The following EPHA6 variants were observed in gnomAD, a reference collection of about 807,000 sequenced individuals.
The protein encoded by EPHA6 is EPH receptor A6.
Under a neutral mutation model 112.0 loss-of-function variants are expected in EPHA6, and 50 were observed. The ratio of observed to expected loss-of-function variants is 0.45; its 90% CI spans 0.36 to 0.56. EPHA6 has a LOEUF of 0.56. Among genes scored for constraint, EPHA6 ranks in the 20% least tolerant of loss-of-function variants. EPHA6 has a pLI of 0.00. For synonymous variants in EPHA6, 529 were observed against 490.7 expected, an observed-to-expected ratio of 1.08 and a Z score of -1.03; for missense variants, 1,280 against 1,417.4, an observed-to-expected ratio of 0.90 and a Z score of 1.56.
intron 10 of EPHA6, among the ~76,000 whole-genome samples, chr3:97,513,767 C>T (rs1206549769): frequency 6.6e-6 from 1 of 151,912 alleles, no homozygotes; most frequent in African/African-American, 2.4e-5. Flanking sequence ...GTGCATATGT[C>T]AATTACCCTG....
At chr3:97,103,086 T>C (rs1293922337) in intron 3 of EPHA6, among the ~76,000 whole-genome samples, 4 of 152,120 alleles carry the variant, frequency 2.6e-5, no homozygotes, top group Non-Finnish European at 4.4e-5. Context: ...GTTGTCTGTT[T>C]ACTTACTCTA....
intron 13 of EPHA6, among the ~76,000 whole-genome samples, chr3:97,621,551 T>G (rs2093814428): frequency 6.6e-6 from 1 of 151,874 alleles, no homozygotes; most frequent in South Asian, 2.1e-4. Context: ...AGGTAGTTAC[T>G]AAATGCAAAC....
intron 6 of EPHA6, among the ~76,000 whole-genome samples, chr3:97,418,792 A>G (rs1559980891): frequency 6.6e-6 from 1 of 152,200 alleles, no homozygotes; most frequent in Admixed American, 6.5e-5. Flanking sequence ...ATAAAATAGT[A>G]TCTTTCAAAA....
At chr3:97,170,764 GAA>G (rs2076678519) in intron 3 of EPHA6, among the ~76,000 whole-genome samples, 1 of 150,232 alleles carries the variant, frequency 6.7e-6, no homozygotes, top group Non-Finnish European at 1.5e-5. Context: ...GAAAAAAAAA[GAA>G]ATATAGGACC....
intron 11 of EPHA6, among the ~76,000 whole-genome samples, chr3:97,570,261 CAGA>C (rs1332062200): frequency 6.6e-6 from 1 of 152,066 alleles, no homozygotes; most frequent in Non-Finnish European, 1.5e-5. Context: ...AGTTGGGATT[CAGA>C]AGATGCTGGA....
At chr3:97,633,423 A>G (rs2093920290) in intron 13 of EPHA6, among the ~76,000 whole-genome samples, 2 of 152,094 alleles carry the variant, frequency 1.3e-5, no homozygotes, top group South Asian at 2.1e-4. Flanking sequence ...AAAAAAATTC[A>G]TAGTTTCTTT....
chr3:97,246,818 GA>G (rs1004183166), intron 5 of EPHA6, among the ~76,000 whole-genome samples: 4 of 151,834 alleles, frequency 2.6e-5, no homozygotes, highest in African/African-American at 9.7e-5. Flanking sequence ...TCTTGTGCTT[GA>G]AATTCTAAAG....
intron 5 of EPHA6, among the ~76,000 whole-genome samples, chr3:97,245,662 T>C (rs2078967851): frequency 6.6e-6 from 1 of 152,004 alleles, no homozygotes; most frequent in African/African-American, 2.4e-5. Flanking sequence ...ATATTCTTGA[T>C]ATAATATAAT....
chr3:97,211,416 A>T (rs2077871615), intron 3 of EPHA6, among the ~76,000 whole-genome samples: 1 of 152,236 alleles, frequency 6.6e-6, no homozygotes, highest in African/African-American at 2.4e-5. Context: ...CTTCTGTAAC[A>T]AAATATCATA....
chr3:96,896,390 C>T (rs1305249411), intron 2 of EPHA6, among the ~76,000 whole-genome samples: 3 of 152,186 alleles, frequency 2.0e-5, no homozygotes, highest in African/African-American at 7.2e-5. Context: ...GCAGACTGCA[C>T]AGCACTTTCT....
intron 3 of EPHA6, among the ~76,000 whole-genome samples, chr3:97,138,451 C>T (rs1285514665): frequency 6.6e-6 from 1 of 152,216 alleles, no homozygotes; most frequent in Non-Finnish European, 1.5e-5. Flanking sequence ...AACCACATAA[C>T]CCATGCCTGC....
At chr3:97,526,897 G>A (rs973835750) in intron 10 of EPHA6, among the ~76,000 whole-genome samples, 2 of 151,880 alleles carry the variant, frequency 1.3e-5, no homozygotes, top group Non-Finnish European at 2.9e-5. Flanking sequence ...ATTATGGATG[G>A]GATTACTCCC....
chr3:97,676,589 T>C (rs1576266127), intron 14 of EPHA6, among the ~76,000 whole-genome samples: 1 of 152,170 alleles, frequency 6.6e-6, no homozygotes, highest in Admixed American at 6.6e-5. Context: ...TCAGCAAAAC[T>C]TTTTTAAAGG....
intron 3 of EPHA6, among the ~76,000 whole-genome samples, chr3:96,989,113 G>A (rs2043126561): frequency 6.6e-6 from 1 of 152,012 alleles, no homozygotes; most frequent in Non-Finnish European, 1.5e-5. Context: ...TGAGTTTATT[G>A]ATTTCTTTGT....
At chr3:97,395,475 A>G (rs1444986070) in intron 5 of EPHA6, among the ~76,000 whole-genome samples, 1 of 151,872 alleles carries the variant, frequency 6.6e-6, no homozygotes, top group Admixed American at 6.6e-5. Context: ...AGGTAAAATT[A>G]TCGTTTTTGA....
intron 6 of EPHA6, among the ~76,000 whole-genome samples, chr3:97,436,981 C>T (rs563072570): frequency 5.9e-5 from 9 of 151,950 alleles, no homozygotes; most frequent in East Asian, 5.8e-4. Flanking sequence ...TGGCCCAGGA[C>T]GGCTTTGACT....
intron 5 of EPHA6, among the ~76,000 whole-genome samples, chr3:97,339,472 T>G (rs1434075084): frequency 6.6e-6 from 1 of 152,166 alleles, no homozygotes; most frequent in African/African-American, 2.4e-5. Context: ...TCCTTCCATC[T>G]TAACATTTTA....
At chr3:96,936,019 T>A (rs1370729489) in intron 2 of EPHA6, among the ~76,000 whole-genome samples, 1 of 151,962 alleles carries the variant, frequency 6.6e-6, no homozygotes, top group African/African-American at 2.4e-5. Context: ...TCCAGACCTA[T>A]TTTCAACACT....
chr3:97,102,528 A>G (rs1233463343), intron 3 of EPHA6, among the ~76,000 whole-genome samples: 1 of 152,042 alleles, frequency 6.6e-6, no homozygotes, highest in African/African-American at 2.4e-5. Flanking sequence ...CCAATTATGT[A>G]CAAATACGAT....
Sources: gnomAD v4.1 joint callset for allele counts (sites outside exome capture counted in the v4.1 genomes callset) on GRCh38, gnomAD v4.1.1 for gene constraint, MANE v1.5 for transcripts, NCBI Gene and HGNC (gene_info 2026-07-23, HGNC 2026-07-21) for gene names.